EBPL: variants seen among roughly 807,000 people sequenced by gnomAD.
The protein encoded by EBPL is EBP like, also known as emopamil-binding protein-like.
Under a neutral mutation model 19.0 loss-of-function variants are expected in EBPL, and 20 were observed. The ratio of observed to expected loss-of-function variants is 1.05; its 90% CI spans 0.74 to 1.53. The LOEUF is 1.53. EBPL is among the 40% of genes most tolerant of loss of function. The pLI is 0.00. For synonymous variants in EBPL, 107 were observed against 117.0 expected (o/e 0.91, Z 0.55); for missense variants, 219 against 261.1 (o/e 0.84, Z 1.11).
chr13:49,691,252 AC>A lies in EBPL; in HGVS notation c.171+1del. On this transcript the variant is annotated splice_donor_variant, in intron 1 of 3. Transcript: ENST00000242827. LOFTEE classifies it high-confidence loss of function. ...GTGCAGGGTCTAGGCGATGGCACTT[AC>A]CAGCGCGAAGTGCACCAGCGCGTCG... 7.2e-7 allele frequency: 1 copy of A among 1,385,186 alleles called. No homozygotes were observed. Among genetic ancestry groups the A allele is most frequent in the Non-Finnish European group, 9.4e-7 (1 of 1,067,738 alleles). 85.8% of individuals were successfully genotyped at this position (1,385,186 alleles called of 1,614,324 possible).
chr13:49,666,711 CAAA>C lies in EBPL; in HGVS notation c.241+3063_241+3065del, dbSNP rs35086927. ...TGGGCGAAAGAGTGAGACTCCGTCT[CAAA>C]AAAAAAAAAAAAAAAAAAAACAAAA... On this transcript the variant is annotated intron_variant, in intron 2 of 3. Coordinates refer to ENST00000242827, the MANE Select transcript of EBPL (RefSeq NM_032565.5). 6.1e-3 allele frequency among the ~76,000 whole-genome samples: 494 copies of C among 81,040 alleles called. 1 individual carries two copies. The highest frequency in any genetic ancestry group is 0.023 in the African/African-American group (406 of 18,044). 53.2% of individuals were successfully genotyped at this position (81,040 alleles called of 152,430 possible).
Position 49,661,214 on chromosome 13 carries a change from GGA to G in EBPL, c.381-8_381-7del, listed in dbSNP as rs1253954806. 2 of 1,607,024 alleles carry G rather than the reference GGA, an allele frequency of 1.2e-6. No homozygotes were observed. The highest frequency in any genetic ancestry group is 2.7e-5 in the African/African-American group (2 of 74,630). ...GGGTGATCTGCAGGAAATGCCTGTT[GGA>G]GAGAAAGAAGCCCGGGATGAACCAC... On this transcript the variant is annotated splice_region_variant and splice_polypyrimidine_tract_variant and intron_variant, in intron 3 of 3. Coordinates refer to ENST00000242827, the MANE Select transcript of EBPL (RefSeq NM_032565.5).
chr13:49,691,330 A>G lies in EBPL; in HGVS notation c.95T>C (p.Leu32Pro), dbSNP rs1054609848. ...GTCCGCCGCCCCCTGCCCGCGGCCC[A>G]GGCGCAGGCCCAGGGCGCAGCCCGC... Reference protein sequence around the residue: ...LAAGCALGLRLGRGQGAADRG... With the variant: ...LAAGCALGLRPGRGQGAADRG... The change falls in exon 1 of 4, where the codon CTG (leucine) becomes CCG (proline). Residue 32 changes from leucine (L) to proline (P), a missense_variant. Transcript: ENST00000242827. 2.2e-6 allele frequency: 3 copies of G among 1,367,854 alleles called. No individual in the cohort carries two copies. The highest frequency in any genetic ancestry group is 1.9e-5 in the South Asian group (1 of 53,668). The allele number at this position is 1,367,854 out of a possible 1,614,324, so 84.7% of individuals were successfully genotyped here. A position where few individuals can be genotyped will look rare whatever the true frequency, so the allele number is the denominator to read the frequency against.
chr13:49,670,287 T>C (rs934121605), intron 1 of EBPL, among the ~76,000 whole-genome samples: 6 of 152,196 alleles, frequency 3.9e-5, no homozygotes, highest in Non-Finnish European at 8.8e-5. Context: ...TATACCAGCA[T>C]TGAGCAATCC....
rs756262168 is a variant in EBPL, at chr13:49,669,811, G to A, written c.207C>T (p.Asn69=). The A allele has an allele frequency of 3.7e-5, 60 of 1,613,938 alleles. No homozygotes were observed. Among genetic ancestry groups the A allele is most frequent in the Non-Finnish European group, 4.4e-5 (52 of 1,179,970 alleles). The change falls in exon 2 of 4, where the codon AAC becomes AAT. Residue 69 remains asparagine, a synonymous_variant. Transcript: ENST00000242827. ...CAATCAAGCCATCGGAATTTGCAAC[G>A]TTTCCTACTAAAGACAAGTAGACAA... ...GPFVYLSLVG[N]VANSDGLIAS...
intron 1 of EBPL, among the ~76,000 whole-genome samples, chr13:49,674,384 G>C (rs1953853283): frequency 6.6e-6 from 1 of 152,164 alleles, no homozygotes; most frequent in African/African-American, 2.4e-5. Context: ...GATTACAAGT[G>C]TGAGCCACTG....
At chr13:49,681,321 C>T (rs372670593) in intron 1 of EBPL, among the ~76,000 whole-genome samples, 11 of 152,278 alleles carry the variant, frequency 7.2e-5, no homozygotes, top group African/African-American at 2.4e-4. Flanking sequence ...AAGATGGTCT[C>T]GCTCTGTCGC....
At chr13:49,687,374 CT>C (rs1954010038) in intron 1 of EBPL, among the ~76,000 whole-genome samples, 1 of 152,172 alleles carries the variant, frequency 6.6e-6, no homozygotes, top group African/African-American at 2.4e-5. Flanking sequence ...ACAGCAGTTG[CT>C]TTTTGTTGCT....
At chr13:49,665,516 C>T (rs183418609) in intron 2 of EBPL, among the ~76,000 whole-genome samples, 57 of 152,278 alleles carry the variant, frequency 3.7e-4, no homozygotes, top group Admixed American at 1.3e-3. Context: ...GGTGATCCAC[C>T]TGCTTTGGCC....
At chr13:49,688,704 GC>G (rs1430095373) in intron 1 of EBPL, among the ~76,000 whole-genome samples, 1 of 135,442 alleles carries the variant, frequency 7.4e-6, no homozygotes, top group Admixed American at 7.9e-5. Context: ...GGGTAATAGA[GC>G]GAGACTCCGT....
rs527262643 is a variant in EBPL at position 49,685,827 on chromosome 13, C to T, written c.171+5427G>A. On this transcript the variant is annotated intron_variant, in intron 1 of 3. Transcript: ENST00000242827. ...GGCAGAGGTTGCAGTGAGCCAAGATCACGCTACTGCACTCCAGCCTGGGCG... is the reference window on the plus strand; with the variant it reads ...GGCAGAGGTTGCAGTGAGCCAAGATTACGCTACTGCACTCCAGCCTGGGCG... Among the ~76,000 whole-genome samples, 9 of 151,308 alleles carry T rather than the reference C, an allele frequency of 5.9e-5. No individual in the cohort carries two copies. In the East Asian group the frequency reaches 1.8e-3, roughly 29 times the overall value.
At chr13:49,663,760 A>C (rs1965183308) in intron 2 of EBPL, among the ~76,000 whole-genome samples, 1 of 150,854 alleles carries the variant, frequency 6.6e-6, no homozygotes, top group Admixed American at 6.6e-5. Flanking sequence ...ACATGGTGAA[A>C]CCCTGTCTCT....
At chr13:49,679,807 T>C (rs1312788170) in intron 1 of EBPL, among the ~76,000 whole-genome samples, 1 of 152,144 alleles carries the variant, frequency 6.6e-6, no homozygotes, top group East Asian at 1.9e-4. Context: ...CTGGCCGAGA[T>C]TGTATTTCTG....
At chr13:49,678,138 T>G (rs1348502005) in intron 1 of EBPL, among the ~76,000 whole-genome samples, 1 of 152,224 alleles carries the variant, frequency 6.6e-6, no homozygotes, top group Admixed American at 6.5e-5. Context: ...TGGTCCGTTT[T>G]GACAGGGTGC....
chr13:49,687,232 A>G (rs963107485), intron 1 of EBPL, among the ~76,000 whole-genome samples: 1 of 152,046 alleles, frequency 6.6e-6, no homozygotes, highest in Non-Finnish European at 1.5e-5. Flanking sequence ...TCCACCCCCA[A>G]TCTACAAGTG....
At chr13:49,686,522 G>T (rs923428435) in intron 1 of EBPL, 1 of 1,289,278 alleles carries the variant, frequency 7.8e-7, no homozygotes, top group African/African-American at 1.5e-5. Flanking sequence ...CAATTTATCA[G>T]TGTTCTTGAA....
chr13:49,679,410 A>G (rs2137503412), intron 1 of EBPL, among the ~76,000 whole-genome samples: 1 of 152,358 alleles, frequency 6.6e-6, no homozygotes, highest in South Asian at 2.1e-4. Context: ...TCAACAGCAA[A>G]GGGCCACATG....
At chr13:49,664,222 G>A (rs9535287) in intron 2 of EBPL, among the ~76,000 whole-genome samples, 127,713 of 152,268 alleles carry the variant, frequency 0.84, 53,750 homozygotes, top group South Asian at 0.92. Flanking sequence ...ACTGCACTCC[G>A]GCCTGGGCAA....
At chr13:49,667,535 A>C (rs1472223883) in intron 2 of EBPL, among the ~76,000 whole-genome samples, 1 of 152,176 alleles carries the variant, frequency 6.6e-6, no homozygotes, top group East Asian at 1.9e-4. Context: ...GCATTTGAGT[A>C]AGATTCCCAG....
Sources: allele counts gnomAD v4.1 joint callset (sites outside exome capture counted in the v4.1 genomes callset), GRCh38; gene constraint gnomAD v4.1.1; transcripts MANE v1.5; gene names NCBI Gene and HGNC (gene_info 2026-07-23, HGNC 2026-07-21).